Variants in PDE4B observed in about 807,000 individuals in gnomAD.
PDE4B encodes phosphodiesterase 4B, also known as 3',5'-cyclic-AMP phosphodiesterase 4B.
Under a neutral mutation model 82.2 loss-of-function variants are expected in PDE4B, and 20 were observed. The ratio of observed to expected loss-of-function variants is 0.24; its 90% CI spans 0.17 to 0.35. The LOEUF (loss-of-function observed/expected upper bound fraction) is 0.35, where lower values mean the gene tolerates loss of function less well. PDE4B is among the 10% of genes least tolerant of loss of function. The pLI is 1.00. For missense variants in PDE4B, 655 were observed against 907.2 expected (o/e 0.72, Z 3.57); for synonymous variants, 320 against 318.9 (o/e 1.00, Z -0.04).
At chr1:66,133,700 A>C (rs1645997971) in intron 3 of PDE4B, among the ~76,000 whole-genome samples, 1 of 152,170 alleles carries the variant, frequency 6.6e-6, no homozygotes, top group Non-Finnish European at 1.5e-5. Flanking sequence ...AATCTTAAGC[A>C]AGTCTTCCTT....
chr1:66,026,258 A>T (rs1009990390), intron 3 of PDE4B, among the ~76,000 whole-genome samples: 4 of 152,150 alleles, frequency 2.6e-5, no homozygotes, highest in African/African-American at 9.7e-5. Flanking sequence ...GCTTTGACCC[A>T]CCCTGGCTTT....
intron 1 of PDE4B, among the ~76,000 whole-genome samples, chr1:65,820,824 A>G (rs1016461752): frequency 6.6e-6 from 1 of 152,220 alleles, no homozygotes; most frequent in African/African-American, 2.4e-5. Context: ...TACAGAAATA[A>G]TTACTCAGCC....
At chr1:65,857,772 GA>G (rs1430781902) in intron 1 of PDE4B, among the ~76,000 whole-genome samples, 1 of 152,190 alleles carries the variant, frequency 6.6e-6, no homozygotes, top group African/African-American at 2.4e-5. Flanking sequence ...ATATTTGTTG[GA>G]TAAGTGAATA....
intron 3 of PDE4B, among the ~76,000 whole-genome samples, chr1:65,991,442 T>C (rs2503191): frequency 0.98 from 149,282 of 152,190 alleles, 73,272 homozygotes; most frequent in Middle Eastern, 1. Context: ...TAAATGTCTC[T>C]CTTTTTCACT....
intron 1 of PDE4B, among the ~76,000 whole-genome samples, chr1:65,901,269 A>G (rs1284725888): frequency 1.3e-5 from 2 of 152,140 alleles, no homozygotes; most frequent in Non-Finnish European, 2.9e-5. Context: ...TGATTTGCAT[A>G]TTATGAATTA....
intron 3 of PDE4B, 149 bp downstream of exon 3, chr1:65,918,984 T>G (rs1647193295): frequency 1.6e-6 from 1 of 617,370 alleles, no homozygotes; most frequent in African/African-American, 1.8e-5. Context: ...GAATCAAAGA[T>G]AAGGTCTTGT....
chr1:65,843,603 AG>A (rs1646233930), intron 1 of PDE4B, among the ~76,000 whole-genome samples: 1 of 152,206 alleles, frequency 6.6e-6, no homozygotes, highest in African/African-American at 2.4e-5. Flanking sequence ...TAAGGATAAA[AG>A]TTTTTAAGTA....
chr1:66,101,445 C>A (rs1341387646), intron 3 of PDE4B, among the ~76,000 whole-genome samples: 1 of 152,210 alleles, frequency 6.6e-6, no homozygotes, highest in Non-Finnish European at 1.5e-5. Context: ...TACAGTCCCA[C>A]AAACTGTGTA....
intron 8 of PDE4B, among the ~76,000 whole-genome samples, chr1:66,344,844 A>T (rs139992150): frequency 6.6e-6 from 1 of 152,168 alleles, no homozygotes; most frequent in Non-Finnish European, 1.5e-5. Flanking sequence ...CCGAGGGAAC[A>T]TTAGTTATGA....
intron 7 of PDE4B, among the ~76,000 whole-genome samples, chr1:66,285,312 G>A (rs1656597317): frequency 6.6e-6 from 1 of 152,068 alleles, no homozygotes; most frequent in Non-Finnish European, 1.5e-5. Flanking sequence ...GAACACAAAT[G>A]TTATTAGCAG....
chr1:66,174,799 C>T (rs1310330027), intron 3 of PDE4B, among the ~76,000 whole-genome samples: 2 of 150,460 alleles, frequency 1.3e-5, no homozygotes, highest in Admixed American at 1.3e-4. Flanking sequence ...CAACAAACTA[C>T]CTGAGACTGG....
At chr1:66,179,146 C>T (rs576612533) in intron 3 of PDE4B, among the ~76,000 whole-genome samples, 13 of 152,240 alleles carry the variant, frequency 8.5e-5, no homozygotes, top group African/African-American at 2.9e-4. Flanking sequence ...CCACCATGCC[C>T]GGCCCTTAAC....
At position 66,175,001 on chromosome 1, in the gene PDE4B, C is replaced by G. The variant is rs115595487; in HGVS notation, c.282-72459C>G. On this transcript the variant is annotated intron_variant, in intron 3 of 16. Coordinates refer to ENST00000341517, the MANE Select transcript of PDE4B (RefSeq NM_002600.4). ...AAACCATCAAATCTCATGAGCTGTC[C>G]CTCACTATCACCAGAACAGCATGGA... Among the ~76,000 whole-genome samples, 1,050 of 152,088 alleles carry G rather than the reference C, an allele frequency of 6.9e-3. 11 individuals carry two copies. Among genetic ancestry groups the G allele is most frequent in the African/African-American group, 0.024 (985 of 41,488 alleles).
At chr1:66,049,161 AC>A (rs1342509589) in intron 3 of PDE4B, among the ~76,000 whole-genome samples, 8 of 152,144 alleles carry the variant, frequency 5.3e-5, no homozygotes, top group African/African-American at 1.7e-4. Flanking sequence ...TCTATTGTGA[AC>A]CTGAATCCTA....
rs1651821352 is a variant in PDE4B at position 66,230,043 on chromosome 1, C to CT, written c.282-17416dup. ...TCTATATAGGACTCCTGGAGTCACT[C>CT]TGAGTATTTCTAATGAGGCTGACAA... On this transcript the variant is annotated intron_variant, in intron 3 of 16. Coordinates refer to ENST00000341517, the MANE Select transcript of PDE4B (RefSeq NM_002600.4). 9.2e-5 allele frequency among the ~76,000 whole-genome samples: 14 copies of CT among 152,292 alleles called. 1 individual carries two copies. The South Asian group carries it at 2.7e-3, about 29-fold the overall frequency.
chr1:65,892,639 GCTATAGGTCT>G (rs1646864879), intron 1 of PDE4B, among the ~76,000 whole-genome samples: 1 of 151,976 alleles, frequency 6.6e-6, no homozygotes, highest in Admixed American at 6.6e-5. Flanking sequence ...GTCTACCTGT[GCTATAGGTCT>G]CTCTTCTTCC....
chr1:66,193,211 A>G (rs1647979790), intron 3 of PDE4B, among the ~76,000 whole-genome samples: 1 of 152,194 alleles, frequency 6.6e-6, no homozygotes, highest in Non-Finnish European at 1.5e-5. Flanking sequence ...ATCTGGATAT[A>G]TTTTGAAACT....
At chr1:66,151,571 A>G (rs529189378) in intron 3 of PDE4B, among the ~76,000 whole-genome samples, 1 of 152,310 alleles carries the variant, frequency 6.6e-6, no homozygotes, top group South Asian at 2.1e-4. Context: ...AGAATGAACT[A>G]TGCCTTTATT....
At chr1:66,000,178 C>T (rs924363247) in intron 3 of PDE4B, among the ~76,000 whole-genome samples, 10 of 152,192 alleles carry the variant, frequency 6.6e-5, no homozygotes, top group African/African-American at 2.4e-4. Flanking sequence ...CATCAAGTAG[C>T]ATGGTTGGTG....
Sources: gnomAD v4.1 joint callset for allele counts (sites outside exome capture counted in the v4.1 genomes callset) on GRCh38, gnomAD v4.1.1 for gene constraint, MANE v1.5 for transcripts, NCBI Gene and HGNC (gene_info 2026-07-23, HGNC 2026-07-21) for gene names.